XPO4: variants seen among roughly 807,000 people sequenced by gnomAD.
The protein encoded by XPO4 is exportin 4.
A neutral mutation model predicts 143.0 loss-of-function variants in XPO4; 39 were observed. The ratio of observed to expected loss-of-function variants is 0.27; its 90% CI spans 0.21 to 0.36. The LOEUF is 0.36. Ranked by LOEUF, XPO4 falls within the 10% of genes least tolerant of loss-of-function variation. The pLI is 1.00. For synonymous variants in XPO4, 439 were observed against 474.0 expected (o/e 0.93, Z 0.96); for missense variants, 907 against 1,348.0 (o/e 0.67, Z 5.12).
At chr13:20,875,097 G>T (rs900275751) in intron 1 of XPO4, among the ~76,000 whole-genome samples, 1 of 152,152 alleles carries the variant, frequency 6.6e-6, no homozygotes, top group Non-Finnish European at 1.5e-5. Context: ...ATTAGAAAAC[G>T]ATAGATGTAC....
rs539510992 is a variant in XPO4, at chr13:20,884,958, TTTTG to T, written c.70-16261_70-16258del. The stretch of plus-strand genomic sequence containing the variant: ...AAAGAGAGGTTTTTTTGGTTTGTTT[TTTTG>T]TTTGTTTGTTTGTTTTTTGAGACGG... On this transcript the variant is annotated intron_variant, in intron 1 of 22. Coordinates refer to ENST00000255305, the MANE Select transcript of XPO4 (RefSeq NM_022459.5). Among the ~76,000 whole-genome samples the T allele has an allele frequency of 1.1e-3, 170 of 151,962 alleles. 1 individual carries two copies. The highest frequency in any genetic ancestry group is 3.1e-3 in the African/African-American group (126 of 41,304).
rs1045706352 is a variant in XPO4, at chr13:20,848,855, T to G, written c.457-4969A>C. ...GTCAAACAAGTAGAAGACAATGCAATGAGGTGTCAAAGTTATAAAAAAAAG... is the reference window on the plus strand; with the variant it reads ...GTCAAACAAGTAGAAGACAATGCAAGGAGGTGTCAAAGTTATAAAAAAAAG... On this transcript the variant is annotated intron_variant, in intron 4 of 22. Coordinates refer to ENST00000255305, the MANE Select transcript of XPO4 (RefSeq NM_022459.5). 6.1e-6 allele frequency: 6 copies of G among 985,184 alleles called. No homozygotes were observed. The African/African-American group carries it at 8.7e-5, about 14-fold the overall frequency. 61.0% of individuals were successfully genotyped at this position (985,184 alleles called of 1,614,324 possible).
Position 20,803,050 on chromosome 13 carries a change from C to T in XPO4, c.1818-2060G>A, listed in dbSNP as rs1255053853. ...GAGCAAGTGGAGCATGATTTGATTCCTATTTTTCCTTTAATAGATATAAGT... is the reference window on the plus strand; with the variant it reads ...GAGCAAGTGGAGCATGATTTGATTCTTATTTTTCCTTTAATAGATATAAGT... On this transcript the variant is annotated intron_variant, in intron 13 of 22. Transcript: ENST00000255305. The surrounding 1 kb of genome is among the most constrained non-coding windows in gnomAD (Gnocchi z 4.1). 6.6e-6 allele frequency among the ~76,000 whole-genome samples: 1 copy of T among 152,132 alleles called. No individual in the cohort carries two copies. The highest frequency in any genetic ancestry group is 1.5e-5 in the Non-Finnish European group (1 of 68,020).
At chr13:20,873,907 A>G (rs1349584866) in intron 1 of XPO4, among the ~76,000 whole-genome samples, 1 of 152,244 alleles carries the variant, frequency 6.6e-6, no homozygotes, top group Non-Finnish European at 1.5e-5. Flanking sequence ...TGCCAGGCAG[A>G]AGGCTAAATA....
chr13:20,845,037 A>G (rs2060017188), intron 4 of XPO4, among the ~76,000 whole-genome samples: 1 of 152,160 alleles, frequency 6.6e-6, no homozygotes, highest in Admixed American at 6.5e-5. Flanking sequence ...GCTAGGCATG[A>G]TGGCAGGCAC....
At chr13:20,835,266 T>C (rs1206172872) in intron 6 of XPO4, among the ~76,000 whole-genome samples, 1 of 152,198 alleles carries the variant, frequency 6.6e-6, no homozygotes, top group Admixed American at 6.5e-5. Context: ...AAGAAAATAC[T>C]TCACAAGGGC....
chr13:20,786,715 T>C (rs1443164077), intron 22 of XPO4, among the ~76,000 whole-genome samples: 2 of 152,156 alleles, frequency 1.3e-5, no homozygotes, highest in Non-Finnish European at 2.9e-5. Context: ...GCAGTGACCA[T>C]TGCAAAGGAT....
At chr13:20,804,434 G>T (rs2059477574) in intron 13 of XPO4, among the ~76,000 whole-genome samples, 1 of 117,524 alleles carries the variant, frequency 8.5e-6, no homozygotes, top group Admixed American at 8.4e-5. Flanking sequence ...TCTTGTGCAA[G>T]ATCCAAGAAC....
Position 20,809,206 on chromosome 13 carries a change from G to A in XPO4, c.1370C>T (p.Ser457Phe). 1.2e-6 allele frequency: 2 copies of A among 1,613,894 alleles called. No homozygotes were observed. Among genetic ancestry groups the A allele is most frequent in the Non-Finnish European group, 8.5e-7 (1 of 1,179,940 alleles). The change falls in exon 11 of 23, where the codon TCT becomes TTT. Residue 457 changes from serine (S) to phenylalanine (F), a missense_variant. Ser to Phe is a radical substitution (Grantham distance 155). Transcript: ENST00000255305. ...TTCACTTATTTCTTCCTCCTCACGA[G>A]AGGCCACACCATTGGCAGTCTATTG... is the stretch of plus-strand genomic sequence containing the variant. Reference protein sequence around the residue: ...TRNLTANGVASREEEEISELQ... With the variant: ...TRNLTANGVAFREEEEISELQ...
chr13:20,826,408 C>A (rs531172916), intron 7 of XPO4, among the ~76,000 whole-genome samples: 1 of 152,160 alleles, frequency 6.6e-6, no homozygotes, highest in Non-Finnish European at 1.5e-5. Flanking sequence ...TTTTTAAAAG[C>A]CTGTCAGGTT....
intron 1 of XPO4, among the ~76,000 whole-genome samples, chr13:20,878,540 T>C (rs1436486263): frequency 1.3e-5 from 2 of 152,238 alleles, no homozygotes; most frequent in Non-Finnish European, 2.9e-5. Context: ...AGATAAACCC[T>C]GAAAATTATT....
intron 18 of XPO4, among the ~76,000 whole-genome samples, chr13:20,793,351 G>C (rs1342135669): frequency 6.6e-6 from 1 of 152,030 alleles, no homozygotes; most frequent in African/African-American, 2.4e-5. Context: ...GAGCATTATA[G>C]CATCAATTTC....
chr13:20,825,368 C>T (rs1222355239), intron 7 of XPO4, among the ~76,000 whole-genome samples: 2 of 152,164 alleles, frequency 1.3e-5, no homozygotes, highest in Non-Finnish European at 2.9e-5. Flanking sequence ...GCAATAAATT[C>T]ATATAACTAA....
chr13:20,867,337 G>A (rs545678990), intron 2 of XPO4, among the ~76,000 whole-genome samples: 1 of 152,204 alleles, frequency 6.6e-6, no homozygotes, highest in South Asian at 2.1e-4. Flanking sequence ...TGCAAACACA[G>A]AACACAGCAT....
intron 6 of XPO4, among the ~76,000 whole-genome samples, chr13:20,840,374 T>C (rs1295059806): frequency 6.6e-6 from 1 of 151,856 alleles, no homozygotes; most frequent in Non-Finnish European, 1.5e-5. Flanking sequence ...ACCTAGCTAA[T>C]ATTTGTATTT....
Position 20,809,038 on chromosome 13 carries a change from A to T in XPO4, c.1493+45T>A, listed in dbSNP as rs751516346. Reference sequence around the variant, plus strand: ...TTTAAGTGCTCTCCAGGGAATTGTGAATAGAGAATATTTGCTCCATGGGGT... The same window carrying T: ...TTTAAGTGCTCTCCAGGGAATTGTGTATAGAGAATATTTGCTCCATGGGGT... On this transcript the variant is annotated intron_variant, in intron 11 of 22. Coordinates refer to ENST00000255305, the MANE Select transcript of XPO4 (RefSeq NM_022459.5). The T allele has an allele frequency of 8.2e-6, 13 of 1,593,366 alleles. No homozygotes were observed. The East Asian group carries it at 2.5e-4, about 30-fold the overall frequency.
rs905433950 is a variant in XPO4, at chr13:20,777,756, C to T, written c.*5966G>A. The T allele has an allele frequency of 6.6e-6, 1 of 152,166 alleles. No individual in the cohort carries two copies. The highest frequency in any genetic ancestry group is 1.5e-5 in the Non-Finnish European group (1 of 68,024). 9.4% of individuals were successfully genotyped at this position (152,166 alleles called of 1,614,324 possible). On this transcript the variant is annotated 3_prime_UTR_variant, in exon 23 of 23. Transcript: ENST00000255305. Reference sequence around the variant, plus strand: ...ATCCTATTTGCTTTTGTTCATTCATCATCTCTGGGAAACATCAATGACTTA... The same window carrying T: ...ATCCTATTTGCTTTTGTTCATTCATTATCTCTGGGAAACATCAATGACTTA...
At position 20,788,500 on chromosome 13, in the gene XPO4, T is replaced by C; in HGVS notation, c.3033A>G (p.Glu1011=). ...DLFKSLMYSL[E]LGMTSMSSEV... is the part of the protein sequence containing the mutation. The stretch of plus-strand genomic sequence containing the variant: ...TTAAAGGATATGATGTCATTCCTAA[T>C]TCTAGGGAGTACATCAGACTTTTAA... The change falls in exon 20 of 23, where the codon GAA becomes GAG. Residue 1011 remains glutamate (E), a synonymous_variant. Transcript: ENST00000255305. The C allele has an allele frequency of 1.2e-6, 2 of 1,611,932 alleles. No individual in the cohort carries two copies. Among genetic ancestry groups the C allele is most frequent in the South Asian group, 1.1e-5 (1 of 90,418 alleles).
rs547640607 is a variant in XPO4, at chr13:20,862,486, T to C, written c.317+231A>G. ...CCTTAAACATCTAGAGCTTTTTAAA[T>C]TTTTTTTCTTTTTTTGTACTTAGTA... On this transcript the variant is annotated intron_variant, in intron 3 of 22. Coordinates refer to ENST00000255305, the MANE Select transcript of XPO4 (RefSeq NM_022459.5). Among the ~76,000 whole-genome samples the C allele has an allele frequency of 7.9e-5, 12 of 152,160 alleles. No individual in the cohort carries two copies. The South Asian group carries it at 1.2e-3, about 16-fold the overall frequency.
Sources: gnomAD v4.1 joint callset for allele counts (sites outside exome capture counted in the v4.1 genomes callset) on GRCh38, gnomAD v4.1.1 for gene constraint, Gnocchi (gnomAD v3.1) non-coding constraint, MANE v1.5 for transcripts, NCBI Gene and HGNC (gene_info 2026-07-23, HGNC 2026-07-21) for gene names.